PON3: variants seen among roughly 807,000 people sequenced by gnomAD.
PON3 encodes the protein paraoxonase 3, also known as serum paraoxonase/lactonase 3.
A neutral mutation model predicts 36.3 loss-of-function variants in PON3; 37 were observed. That is an observed-to-expected ratio of 1.02 (90% confidence interval 0.78 to 1.34). The LOEUF (loss-of-function observed/expected upper bound fraction) is 1.34. Ranked by LOEUF, PON3 falls within the 40% of genes most tolerant of loss-of-function variation. The pLI is 0.00. For missense variants in PON3, 415 were observed against 426.5 expected, an observed-to-expected ratio of 0.97 and a Z score of 0.24; for synonymous variants, 155 against 154.8, an observed-to-expected ratio of 1.00 and a Z score of -0.01.
intron 4 of PON3, among the ~76,000 whole-genome samples, chr7:95,369,757 C>T (rs17879131): frequency 0.012 from 1,791 of 151,708 alleles, 31 homozygotes; most frequent in South Asian, 0.048. Flanking sequence ...GCTTGGGAGA[C>T]GAGCAAAACT....
intron 6 of PON3, among the ~76,000 whole-genome samples, chr7:95,363,172 T>C (rs1808615457): frequency 6.6e-6 from 1 of 152,096 alleles, no homozygotes; most frequent in South Asian, 2.1e-4. Context: ...TATATACTTC[T>C]AAAAACTAGT....
At chr7:95,395,602 T>C (rs1240245292) in intron 1 of PON3, among the ~76,000 whole-genome samples, 2 of 152,138 alleles carry the variant, frequency 1.3e-5, no homozygotes, top group Non-Finnish European at 2.9e-5. Context: ...CAAAGACAAC[T>C]GAAAGCAAGC....
intron 2 of PON3, among the ~76,000 whole-genome samples, chr7:95,391,291 A>G (rs1809312208): frequency 6.6e-6 from 1 of 152,212 alleles, no homozygotes; most frequent in Admixed American, 6.5e-5. Context: ...AATGGAAAGG[A>G]GTGGAAGAGA....
Position 95,362,759 on chromosome 7 carries a change from C to A in PON3, c.777+1G>T, listed in dbSNP as rs1486800006. The A allele has an allele frequency of 6.2e-7, 1 of 1,603,124 alleles. No individual in the cohort carries two copies. On this transcript the variant is annotated splice_donor_variant, in intron 7 of 8. Transcript: ENST00000265627. LOFTEE classifies it high-confidence loss of function. ...GTGTGGGCCAGACAGGGTACTCTTA[C>A]CTTCAGTTGAGTTAAATCCCAGTTA...
intron 4 of PON3, among the ~76,000 whole-genome samples, chr7:95,370,278 G>A (rs1254582757): frequency 1.3e-5 from 2 of 152,196 alleles, no homozygotes; most frequent in Non-Finnish European, 2.9e-5. Flanking sequence ...GGGGGCCCAT[G>A]CAGAATCAGG....
chr7:95,375,495 T>C (rs1315151677), intron 3 of PON3, among the ~76,000 whole-genome samples: 3 of 152,090 alleles, frequency 2.0e-5, no homozygotes, highest in Admixed American at 2.0e-4. Context: ...TCATTTATTG[T>C]TCAGACTCTC....
chr7:95,378,716 C>T (rs1347493723), intron 3 of PON3, among the ~76,000 whole-genome samples: 1 of 152,166 alleles, frequency 6.6e-6, no homozygotes, highest in Non-Finnish European at 1.5e-5. Context: ...GAGATTCTGT[C>T]ACTGCCAGGC....
chr7:95,389,068 C>T (rs1460269492), intron 3 of PON3, among the ~76,000 whole-genome samples: 1 of 151,936 alleles, frequency 6.6e-6, no homozygotes, highest in Non-Finnish European at 1.5e-5. Context: ...TGCACATGTA[C>T]CCTAGAACTT....
At chr7:95,363,735 GC>G in intron 6 of PON3, 127 bp downstream of exon 6, 1 of 931,780 alleles carries the variant, frequency 1.1e-6, no homozygotes, top group South Asian at 1.3e-5. Context: ...GTGAACCCTG[GC>G]CACAACTGAT....
chr7:95,383,886 G>A (rs1055485141), intron 3 of PON3, among the ~76,000 whole-genome samples: 17 of 152,084 alleles, frequency 1.1e-4, no homozygotes, highest in Non-Finnish European at 2.2e-4. Context: ...AAATGAGCCC[G>A]CATTGCCAAG....
intron 2 of PON3, among the ~76,000 whole-genome samples, chr7:95,391,135 T>C (rs894538453): frequency 2.6e-5 from 4 of 152,212 alleles, no homozygotes. Flanking sequence ...GGCACTCTGA[T>C]AAAGGATCAC....
At chr7:95,376,263 G>C (rs1259767574) in intron 3 of PON3, among the ~76,000 whole-genome samples, 2 of 152,202 alleles carry the variant, frequency 1.3e-5, no homozygotes, top group Non-Finnish European at 2.9e-5. Flanking sequence ...GTGTGAAGAA[G>C]GGAGTAATCT....
intron 4 of PON3, among the ~76,000 whole-genome samples, chr7:95,369,190 T>C (rs1166765250): frequency 6.6e-6 from 1 of 152,206 alleles, no homozygotes; most frequent in Non-Finnish European, 1.5e-5. Context: ...CGTTTATTTA[T>C]TCATTTGATA....
chr7:95,359,906 C>G lies in PON3; in HGVS notation c.*67G>C. On this transcript the variant is annotated 3_prime_UTR_variant, in exon 9 of 9. Coordinates refer to ENST00000265627, the MANE Select transcript of PON3 (RefSeq NM_000940.3). ...GCTATTTACTTACAGTGCCACTTATCATACAATTATCAGTTTACTTTTACA... is the reference window on the plus strand; with the variant it reads ...GCTATTTACTTACAGTGCCACTTATGATACAATTATCAGTTTACTTTTACA... The G allele has an allele frequency of 2.7e-6, 4 of 1,502,642 alleles. No homozygotes were observed. In the South Asian group the frequency reaches 3.5e-5, roughly 13 times the overall value. 93.1% of individuals were successfully genotyped at this position (1,502,642 alleles called of 1,614,324 possible).
chr7:95,388,238 T>C (rs938158924), intron 3 of PON3, among the ~76,000 whole-genome samples: 1 of 151,732 alleles, frequency 6.6e-6, no homozygotes, highest in African/African-American at 2.4e-5. Flanking sequence ...TTAAACAAAT[T>C]TACAAGAAAA....
At chr7:95,390,359 A>G in intron 2 of PON3, 150 bp from the exon 3 acceptor site, 1 of 748,416 alleles carries the variant, frequency 1.3e-6, no homozygotes, top group Non-Finnish European at 2.4e-6. Context: ...TTAACTTTGG[A>G]GAATCTCACA....
chr7:95,362,671 G>T, intron 7 of PON3, 89 bp downstream of exon 7: 1 of 1,391,794 alleles, frequency 7.2e-7, no homozygotes, highest in Non-Finnish European at 1.0e-6. Context: ...AAATAGCCAT[G>T]TTTTCCTCAT....
intron 3 of PON3, chr7:95,377,590 A>G (rs1449231960): frequency 4.7e-6 from 2 of 429,814 alleles, no homozygotes; most frequent in Non-Finnish European, 9.3e-6. Context: ...TCAGGCAGCA[A>G]TATTTGCCGT....
intron 3 of PON3, among the ~76,000 whole-genome samples, chr7:95,386,491 T>G (rs935284024): frequency 2.0e-5 from 3 of 152,162 alleles, no homozygotes; most frequent in Non-Finnish European, 2.9e-5. Context: ...CAATAATTAA[T>G]AGCCTACCAA....
Sources: allele counts gnomAD v4.1 joint callset (sites outside exome capture counted in the v4.1 genomes callset), GRCh38; gene constraint gnomAD v4.1.1; transcripts MANE v1.5; gene names NCBI Gene and HGNC (gene_info 2026-07-23, HGNC 2026-07-21).